The following NSRP1 variants were observed in gnomAD, a reference collection of about 807,000 sequenced individuals.
The protein encoded by NSRP1 is coiled-coil domain containing 55.
In NSRP1, 24 loss-of-function variants were observed where a neutral mutation model predicts 54.7. The observed-to-expected ratio is 0.44, with a 90% CI of 0.32 to 0.62. The LOEUF is 0.62. Ranked by LOEUF, NSRP1 falls within the 20% of genes least tolerant of loss-of-function variation. NSRP1 has a pLI of 0.06. For missense variants in NSRP1, 596 were observed against 651.2 expected, an observed-to-expected ratio of 0.92 and a Z score of 0.92; for synonymous variants, 210 against 213.8, an observed-to-expected ratio of 0.98 and a Z score of 0.15.
chr17:30,135,938 A>C (rs530921023), intron 2 of NSRP1, among the ~76,000 whole-genome samples: 4 of 151,720 alleles, frequency 2.6e-5, no homozygotes, highest in Non-Finnish European at 5.9e-5. Context: ...CCCAGGCTCA[A>C]GTGGTGGCTC....
At chr17:30,145,270 C>T (rs527360623) in intron 2 of NSRP1, among the ~76,000 whole-genome samples, 2 of 152,000 alleles carry the variant, frequency 1.3e-5, no homozygotes, top group Admixed American at 1.3e-4. Flanking sequence ...ATTTCTAGAT[C>T]ATAGGGTATG....
intron 2 of NSRP1, among the ~76,000 whole-genome samples, chr17:30,170,584 G>C (rs1904893913): frequency 6.6e-6 from 1 of 151,990 alleles, no homozygotes; most frequent in Non-Finnish European, 1.5e-5. Flanking sequence ...TGTCCTCCAG[G>C]CCCATTCATA....
At chr17:30,152,042 A>T (rs1339846046) in intron 2 of NSRP1, among the ~76,000 whole-genome samples, 1 of 151,908 alleles carries the variant, frequency 6.6e-6, no homozygotes, top group Non-Finnish European at 1.5e-5. Flanking sequence ...TGGTGGGATT[A>T]CAGGCGTGAG....
chr17:30,173,059 GT>G (rs1905011907), intron 3 of NSRP1, among the ~76,000 whole-genome samples: 1 of 151,892 alleles, frequency 6.6e-6, no homozygotes, highest in Non-Finnish European at 1.5e-5. Context: ...CATCTCCTGG[GT>G]TCAGGCAATT....
intron 2 of NSRP1, among the ~76,000 whole-genome samples, chr17:30,167,380 G>A (rs961678011): frequency 3.3e-5 from 5 of 152,144 alleles, no homozygotes; most frequent in Non-Finnish European, 7.4e-5. Context: ...GGAGGCCAAG[G>A]CAGGTGGATC....
At chr17:30,181,619 T>G (rs1471088832) in intron 6 of NSRP1, among the ~76,000 whole-genome samples, 4 of 150,302 alleles carry the variant, frequency 2.7e-5, no homozygotes, top group African/African-American at 9.8e-5. Flanking sequence ...TGTTTTTTTT[T>G]TTTTTAGATG....
Position 30,133,657 on chromosome 17 carries a change from T to G in NSRP1, c.114+15484T>G, listed in dbSNP as rs767290618. Among the ~76,000 whole-genome samples the G allele has an allele frequency of 2.9e-4, 44 of 152,258 alleles. 1 individual carries two copies. Among genetic ancestry groups the G allele is most frequent in the Non-Finnish European group, 1.3e-4 (9 of 68,054 alleles). On this transcript the variant is annotated intron_variant, in intron 2 of 6. Transcript: ENST00000247026. ...GGCTTTGAAAGTCCTAGATGGCATC[T>G]TCTTCCAATAGAAGGCTGTTTTGTC...
In NSRP1 at chr17:30,127,624, G is replaced by A. The variant is rs1221106432; in HGVS notation, c.114+9451G>A. ...AGACAGGGTCTCCCTCTGTTTCCCA[G>A]GCTGGTCTCAGACTCCTGGCCTCTA... On this transcript the variant is annotated intron_variant, in intron 2 of 6. Coordinates refer to ENST00000247026, the MANE Select transcript of NSRP1 (RefSeq NM_032141.4). Among the ~76,000 whole-genome samples, 6 of 152,064 alleles carry A rather than the reference G, an allele frequency of 3.9e-5. No homozygotes were observed. In the South Asian group the frequency reaches 1.0e-3, roughly 26 times the overall value.
chr17:30,143,831 A>G (rs2071827728), intron 2 of NSRP1, among the ~76,000 whole-genome samples: 1 of 152,170 alleles, frequency 6.6e-6, no homozygotes, highest in Admixed American at 6.5e-5. Flanking sequence ...AAAGAATGTA[A>G]TTGAATTGTT....
intron 2 of NSRP1, among the ~76,000 whole-genome samples, chr17:30,128,917 T>C (rs2071675252): frequency 6.6e-6 from 1 of 151,770 alleles, no homozygotes; most frequent in African/African-American, 2.4e-5. Context: ...AGTGGTTTTT[T>C]TGTTTTTTTT....
intron 2 of NSRP1, among the ~76,000 whole-genome samples, chr17:30,170,946 T>C (rs1476380271): frequency 1.3e-5 from 2 of 152,218 alleles, no homozygotes; most frequent in Non-Finnish European, 2.9e-5. Context: ...TTTATTATTT[T>C]TTGACTTTTT....
At position 30,185,203 on chromosome 17, in the gene NSRP1, C is replaced by A; in HGVS notation, c.1206C>A (p.Asn402Lys). 1 of 1,571,876 alleles carries A rather than the reference C, an allele frequency of 6.4e-7. No homozygotes were observed. Among genetic ancestry groups the A allele is most frequent in the Non-Finnish European group, 8.6e-7 (1 of 1,158,464 alleles). Reference sequence around the variant, plus strand: ...GAGATAGACAACAAAATGATCAGAACCGACCCAGTGAGAAAGGAGAGAAGG... The same window carrying A: ...GAGATAGACAACAAAATGATCAGAAACGACCCAGTGAGAAAGGAGAGAAGG... Reference protein sequence around the residue: ...QERDRQQNDQNRPSEKGEKEE... With the variant: ...QERDRQQNDQKRPSEKGEKEE... Residue 402 changes from asparagine to lysine, a missense_variant, in exon 7 of 7, where the codon AAC becomes AAA. By Grantham distance (94) the Asn-to-Lys change is moderately conservative (BLOSUM62 0). Coordinates refer to ENST00000247026, the MANE Select transcript of NSRP1 (RefSeq NM_032141.4).
chr17:30,183,836 G>A (rs1407801799), intron 6 of NSRP1, among the ~76,000 whole-genome samples: 2 of 152,086 alleles, frequency 1.3e-5, no homozygotes, highest in African/African-American at 4.8e-5. Context: ...AAATATTTAG[G>A]ATTATATTTG....
At position 30,162,171 on chromosome 17, in the gene NSRP1, C is replaced by T. The variant is rs1268969409; in HGVS notation, c.115-10371C>T. On this transcript the variant is annotated intron_variant, in intron 2 of 6. Transcript: ENST00000247026. The stretch of plus-strand genomic sequence containing the variant: ...TCCCAAGTAGCTGGGACTACAGGCG[C>T]GTGCCACCATGCCCGGCTAATTTTT... Among the ~76,000 whole-genome samples, 7 of 152,030 alleles carry T rather than the reference C, an allele frequency of 4.6e-5. No individual in the cohort carries two copies. The East Asian group carries it at 5.8e-4, about 13-fold the overall frequency.
rs200421582 is a variant in NSRP1 at position 30,181,595 on chromosome 17, T to TG, written c.617+581dup. Reference sequence around the variant, plus strand: ...TTTTTTGTTGTTGTTGTTGTGTGTGTGGTTTTTTTTTTTTGTTTTTTTTTT... The same window carrying TG: ...TTTTTTGTTGTTGTTGTTGTGTGTGTGGGTTTTTTTTTTTTGTTTTTTTTTT... On this transcript the variant is annotated intron_variant, in intron 6 of 6. Coordinates refer to ENST00000247026, the MANE Select transcript of NSRP1 (RefSeq NM_032141.4). Among the ~76,000 whole-genome samples the TG allele has an allele frequency of 7.0e-4, 80 of 114,932 alleles. No homozygotes were observed. In the East Asian group the frequency reaches 0.042, roughly 61 times the overall value. 75.4% of individuals were successfully genotyped at this position (114,932 alleles called of 152,430 possible). A position where few individuals can be genotyped will look rare whatever the true frequency, so the allele number is the denominator to read the frequency against.
intron 6 of NSRP1, among the ~76,000 whole-genome samples, chr17:30,182,048 CTTTT>C (rs10549815): frequency 1.6e-4 from 16 of 98,340 alleles, no homozygotes; most frequent in African/African-American, 4.3e-4. Flanking sequence ...CACCTGGCTG[CTTTT>C]TTTTTTTTTT....
intron 2 of NSRP1, among the ~76,000 whole-genome samples, chr17:30,152,379 A>C (rs1377672866): frequency 6.6e-6 from 1 of 150,738 alleles, no homozygotes; most frequent in Non-Finnish European, 1.5e-5. Flanking sequence ...CAGCCTCCCA[A>C]AGTGCTAGGA....
At chr17:30,148,303 T>C (rs981821275) in intron 2 of NSRP1, among the ~76,000 whole-genome samples, 5 of 152,264 alleles carry the variant, frequency 3.3e-5, no homozygotes, top group Admixed American at 3.3e-4. Context: ...AATATGCTAG[T>C]AAACTCAATT....
intron 3 of NSRP1, among the ~76,000 whole-genome samples, chr17:30,174,337 C>T (rs1905055577): frequency 6.6e-6 from 1 of 152,178 alleles, no homozygotes; most frequent in African/African-American, 2.4e-5. Context: ...ACCTATATTA[C>T]ATACTTTTCC....
Sources: allele counts gnomAD v4.1 joint callset (sites outside exome capture counted in the v4.1 genomes callset), GRCh38; gene constraint gnomAD v4.1.1; transcripts MANE v1.5; gene names NCBI Gene and HGNC (gene_info 2026-07-23, HGNC 2026-07-21).